GAB2: variants seen among roughly 807,000 people sequenced by gnomAD.
The protein encoded by GAB2 is GRB2-associated-binding protein 2.
In GAB2, 26 loss-of-function variants were observed where a neutral mutation model predicts 65.5. That is an observed-to-expected ratio of 0.40 (90% CI 0.29 to 0.55). The LOEUF (loss-of-function observed/expected upper bound fraction) is 0.55, where lower values mean the gene tolerates loss of function less well. Ranked by LOEUF, GAB2 falls within the 20% of genes least tolerant of loss-of-function variation. The pLI, the probability that GAB2 is intolerant of heterozygous loss-of-function variation, is 0.53. For missense variants in GAB2, 884 were observed against 875.8 expected (o/e 1.01, Z -0.12); for synonymous variants, 321 against 329.6 (o/e 0.97, Z 0.28).
chr11:78,268,638 G>A (rs372842382), intron 2 of GAB2, among the ~76,000 whole-genome samples: 1 of 151,568 alleles, frequency 6.6e-6, no homozygotes, highest in Non-Finnish European at 1.5e-5. Flanking sequence ...GAGTTGGGAC[G>A]AGATGCTCCC....
chr11:78,415,461 C>T (rs1161689559), intron 1 of GAB2, among the ~76,000 whole-genome samples: 3 of 152,074 alleles, frequency 2.0e-5, no homozygotes, highest in Non-Finnish European at 2.9e-5. Context: ...ATTCTGAATA[C>T]CCCAAAAGAA....
chr11:78,402,258 T>C (rs944689075), intron 1 of GAB2, among the ~76,000 whole-genome samples: 1 of 152,092 alleles, frequency 6.6e-6, no homozygotes, highest in African/African-American at 2.4e-5. Flanking sequence ...TCTCTTGGAT[T>C]ACTTCTATCT....
chr11:78,277,383 T>C (rs1866201140), intron 2 of GAB2, among the ~76,000 whole-genome samples: 1 of 152,164 alleles, frequency 6.6e-6, no homozygotes, highest in Admixed American at 6.5e-5. Context: ...ACCAGGAATG[T>C]CAGGCAACCA....
At chr11:78,354,267 A>T (rs1320225628) in intron 1 of GAB2, among the ~76,000 whole-genome samples, 1 of 152,166 alleles carries the variant, frequency 6.6e-6, no homozygotes. Context: ...ATTCACAGAA[A>T]GGTTTGCTCA....
At chr11:78,254,111 C>T (rs1590969611) in intron 2 of GAB2, among the ~76,000 whole-genome samples, 2 of 152,240 alleles carry the variant, frequency 1.3e-5, no homozygotes, top group African/African-American at 4.8e-5. Flanking sequence ...CACTTCACCT[C>T]TCAGAGTCTC....
rs764503572 is a variant in GAB2 at position 78,417,714 on chromosome 11, C to T, written c.7G>A (p.Gly3Ser). The change falls in exon 1 of 10, where the codon GGC becomes AGC. Residue 3 changes from glycine (G) to serine (S), a missense_variant. By Grantham distance (56) the Gly-to-Ser change is moderately conservative. Transcript: ENST00000361507. MS[G>S]GGDVVCTGWL... The stretch of plus-strand genomic sequence containing the variant: ...CCGGTGCACACCACGTCGCCGCCGC[C>T]GCTCATGCTGCCGGCCTGGAGCCCC... The T allele has an allele frequency of 1.5e-6, 2 of 1,337,454 alleles. No homozygotes were observed. The highest frequency in any genetic ancestry group is 9.8e-7 in the Non-Finnish European group (1 of 1,018,086). The allele number at this position is 1,337,454 out of a possible 1,614,324, so 82.8% of individuals were successfully genotyped here. A position where few individuals can be genotyped will look rare whatever the true frequency, so the allele number is the denominator to read the frequency against.
At chr11:78,309,971 T>TGTGTGTGTGTGTGTGTGTGTGCGCGCGC (rs1421836447) in intron 1 of GAB2, among the ~76,000 whole-genome samples, 26 of 120,184 alleles carry the variant, frequency 2.2e-4, no homozygotes, top group African/African-American at 9.3e-4. Context: ...TGTGTGTGTG[T>TGTGTGTGTGTGTGTGTGTGTGCGCGCGC]GCGCGCGCGC....
intron 1 of GAB2, among the ~76,000 whole-genome samples, chr11:78,358,416 C>A (rs1324034527): frequency 2.9e-5 from 4 of 140,220 alleles, no homozygotes; most frequent in Non-Finnish European, 1.5e-5. Flanking sequence ...GCATGTTGTG[C>A]ACATGTACCC....
chr11:78,233,585 A>G (rs374552394), intron 3 of GAB2, among the ~76,000 whole-genome samples: 4 of 152,112 alleles, frequency 2.6e-5, no homozygotes, highest in Non-Finnish European at 5.9e-5. Flanking sequence ...TGCGCGTTGA[A>G]TATTTTCTCG....
intron 2 of GAB2, 77 bp from the exon 3 acceptor site, chr11:78,250,477 G>GA: frequency 1.5e-6 from 2 of 1,307,458 alleles, no homozygotes; most frequent in Non-Finnish European, 2.2e-6. Flanking sequence ...GTCAGAGGAA[G>GA]AAAAAAGAGT....
chr11:78,292,029 T>TGA (rs1554984350), intron 1 of GAB2, among the ~76,000 whole-genome samples: 1,559 of 105,988 alleles, frequency 0.015, 24 homozygotes, highest in African/African-American at 0.042. Context: ...TGTGTGTGTG[T>TGA]GAGAGAGAGA....
chr11:78,380,616 T>G (rs115820406), intron 1 of GAB2, among the ~76,000 whole-genome samples: 1,557 of 152,336 alleles, frequency 0.01, 27 homozygotes, highest in African/African-American at 0.035. Flanking sequence ...TTTTCCACTC[T>G]TGTCTCCTAT....
Position 78,223,478 on chromosome 11 carries a change from C to A in GAB2, c.1501G>T (p.Gly501Cys). 6.2e-7 allele frequency: 1 copy of A among 1,601,830 alleles called. No individual in the cohort carries two copies. The highest frequency in any genetic ancestry group is 8.5e-7 in the Non-Finnish European group (1 of 1,172,984). ...YPSTTLPVHR[G>C]PSRGSEIQPP... ...TGAATCTCACTTCCTCTGCTGGGGCCTCGGTGCACAGGAAGGGTTGTTGAT... is the reference window on the plus strand; with the variant it reads ...TGAATCTCACTTCCTCTGCTGGGGCATCGGTGCACAGGAAGGGTTGTTGAT... Residue 501 changes from glycine (G) to cysteine (C), a missense_variant, in exon 6 of 10, where the codon GGC (glycine) becomes TGC (cysteine). Transcript: ENST00000361507.
intron 1 of GAB2, among the ~76,000 whole-genome samples, chr11:78,300,695 G>GTTTTTTTTTTTTGT (rs1866986002): frequency 1.1e-4 from 12 of 113,254 alleles, no homozygotes; most frequent in African/African-American, 3.5e-4. Context: ...GTTTTTTTTT[G>GTTTTTTTTTTTTGT]TTTTTTTTTT....
chr11:78,232,093 A>G (rs906697323), intron 3 of GAB2, among the ~76,000 whole-genome samples: 1 of 152,252 alleles, frequency 6.6e-6, no homozygotes, highest in Non-Finnish European at 1.5e-5. Flanking sequence ...GCAAAGCTGT[A>G]TATGTGAAAC....
At chr11:78,287,422 T>C (rs1866514422) in intron 1 of GAB2, among the ~76,000 whole-genome samples, 2 of 152,068 alleles carry the variant, frequency 1.3e-5, no homozygotes, top group African/African-American at 4.8e-5. Flanking sequence ...AGATCACAGG[T>C]GCATGCCACT....
intron 2 of GAB2, among the ~76,000 whole-genome samples, chr11:78,277,661 T>C (rs2134579484): frequency 6.6e-6 from 1 of 152,346 alleles, no homozygotes; most frequent in South Asian, 2.1e-4. Flanking sequence ...GTAAACACAC[T>C]GTGCATGCAG....
At chr11:78,271,715 A>G (rs1235682969) in intron 2 of GAB2, among the ~76,000 whole-genome samples, 1 of 152,220 alleles carries the variant, frequency 6.6e-6, no homozygotes, top group Non-Finnish European at 1.5e-5. Flanking sequence ...AAAGGTAGTC[A>G]GGCACAGTGG....
chr11:78,315,463 G>C (rs1855583126), intron 1 of GAB2, among the ~76,000 whole-genome samples: 1 of 151,974 alleles, frequency 6.6e-6, no homozygotes, highest in African/African-American at 2.4e-5. Flanking sequence ...GGGAAAACTG[G>C]ATATCCACAT....
Sources: allele counts gnomAD v4.1 joint callset (sites outside exome capture counted in the v4.1 genomes callset), GRCh38; gene constraint gnomAD v4.1.1; transcripts MANE v1.5; gene names NCBI Gene and HGNC (gene_info 2026-07-23, HGNC 2026-07-21).